Variants in PFKFB3 observed in about 807,000 individuals in gnomAD.
PFKFB3 encodes the protein 6-phosphofructo-2-kinase/fructose-2,6-bisphosphatase 3.
Under a neutral mutation model 68.0 loss-of-function variants are expected in PFKFB3, and 33 were observed. That is an observed-to-expected ratio of 0.49 (90% confidence interval 0.37 to 0.65). The LOEUF (loss-of-function observed/expected upper bound fraction) is 0.65. PFKFB3 is among the 30% of genes least tolerant of loss of function. The pLI, the probability that PFKFB3 is intolerant of heterozygous loss-of-function variation, is 0.00. For missense variants in PFKFB3, 586 were observed against 712.2 expected (o/e 0.82, Z 2.02); for synonymous variants, 315 against 288.2 (o/e 1.09, Z -0.94).
chr10:6,235,760 TTC>T (rs1303933221), downstream of PFKFB3, among the ~76,000 whole-genome samples: 2 of 131,342 alleles, frequency 1.5e-5, no homozygotes, highest in East Asian at 2.1e-4. Context: ...TTTAATTTTT[TTC>T]TTTTTTTTCT....
chr10:6,171,554 C>G (rs943521630), intron 1 of PFKFB3, among the ~76,000 whole-genome samples: 1 of 152,074 alleles, frequency 6.6e-6, no homozygotes, highest in Non-Finnish European at 1.5e-5. Flanking sequence ...TGCTGCCACA[C>G]TCGGCTAATT....
chr10:6,294,965 T>C, the PFKFB3 span, among the ~76,000 whole-genome samples: 3 of 148,352 alleles, frequency 2.0e-5, no homozygotes, highest in African/African-American at 7.5e-5. Flanking sequence ...TCAGAAGGTG[T>C]TTTTTTTTTG....
At chr10:6,225,114 C>T (rs1291293124) in intron 13 of PFKFB3, 1 of 456,200 alleles carries the variant, frequency 2.2e-6, no homozygotes, top group Non-Finnish European at 4.4e-6. Context: ...GGCCTCTGCT[C>T]AGGTGGACGC....
chr10:6,297,051 ACAG>A, the PFKFB3 span, among the ~76,000 whole-genome samples: 3 of 152,202 alleles, frequency 2.0e-5, no homozygotes, highest in African/African-American at 7.2e-5. Context: ...TGTAGGGAAA[ACAG>A]CAGCACAATC....
intron 1 of PFKFB3, among the ~76,000 whole-genome samples, chr10:6,153,822 C>A (rs1331536816): frequency 6.6e-6 from 1 of 151,606 alleles, no homozygotes; most frequent in Admixed American, 6.6e-5. Context: ...CCACTGCACG[C>A]CAGCCTGGGA....
chr10:6,271,418 A>G, the PFKFB3 span, among the ~76,000 whole-genome samples: 1 of 152,374 alleles, frequency 6.6e-6, no homozygotes, highest in Admixed American at 6.5e-5. Flanking sequence ...GCGGGAAGTC[A>G]AACTTCAGAT....
At chr10:6,146,960 A>C (rs1210391214) in intron 1 of PFKFB3, among the ~76,000 whole-genome samples, 1 of 152,270 alleles carries the variant, frequency 6.6e-6, no homozygotes, top group Non-Finnish European at 1.5e-5. Flanking sequence ...GTTGCTTGGC[A>C]TAAGTGCTGT....
chr10:6,226,066 G>A, intron 13 of PFKFB3, 126 bp from the exon 14 acceptor site: 1 of 831,064 alleles, frequency 1.2e-6, no homozygotes. Flanking sequence ...CGTGGTCCCG[G>A]CCACTCCCCT....
At chr10:6,300,064 C>T in the PFKFB3 span, among the ~76,000 whole-genome samples, 3 of 137,804 alleles carry the variant, frequency 2.2e-5, no homozygotes, top group South Asian at 4.7e-4. Context: ...ATTTTTTCTG[C>T]CTTTTCAGAA....
chr10:6,231,829 T>TCATCACCTCCTGGTGGGCACC (rs1845765968), intron 14 of PFKFB3, among the ~76,000 whole-genome samples: 1 of 146,286 alleles, frequency 6.8e-6, no homozygotes, highest in Non-Finnish European at 1.5e-5. Flanking sequence ...TGGTGGGCAC[T>TCATCACCTCCTGGTGGGCACC]CATCACCTCC....
At chr10:6,183,130 A>G (rs1239080364) in intron 1 of PFKFB3, among the ~76,000 whole-genome samples, 1 of 152,150 alleles carries the variant, frequency 6.6e-6, no homozygotes, top group African/African-American at 2.4e-5. Flanking sequence ...ACTACCTAGT[A>G]GTTTAGGGTC....
the PFKFB3 span, among the ~76,000 whole-genome samples, chr10:6,307,690 C>A: frequency 2.0e-5 from 3 of 152,022 alleles, no homozygotes; most frequent in Non-Finnish European, 4.4e-5. Flanking sequence ...TCTGAGGCTC[C>A]ACCGTCTGGT....
At chr10:6,163,814 T>C (rs1265941957) in intron 1 of PFKFB3, 1 of 151,858 alleles carries the variant, frequency 6.6e-6, no homozygotes, top group Admixed American at 6.6e-5. Context: ...GTTCACGTGC[T>C]GTCGCGCGCC....
intron 1 of PFKFB3, among the ~76,000 whole-genome samples, chr10:6,159,910 C>T (rs994485809): frequency 6.6e-6 from 1 of 151,322 alleles, no homozygotes; most frequent in Non-Finnish European, 1.5e-5. Flanking sequence ...AGGTGTGTGC[C>T]ACCATGCCTG....
At chr10:6,200,869 T>C (rs755183472), upstream of PFKFB3, among the ~76,000 whole-genome samples, 80 of 152,314 alleles carry the variant, frequency 5.3e-4, no homozygotes, top group Non-Finnish European at 1.1e-3. Context: ...CCCTAAGAGC[T>C]GACCGCTGTC....
chr10:6,253,066 C>T (rs1303154734), intron 14 of PFKFB3, among the ~76,000 whole-genome samples: 1 of 152,056 alleles, frequency 6.6e-6, no homozygotes, highest in Non-Finnish European at 1.5e-5. Context: ...TACAGGTGTC[C>T]ACCACCACAC....
At chr10:6,190,068 C>T (rs376585837) in intron 1 of PFKFB3, among the ~76,000 whole-genome samples, 11 of 151,956 alleles carry the variant, frequency 7.2e-5, no homozygotes, top group African/African-American at 2.2e-4. Context: ...CTCAGCCTTC[C>T]GAGTAGCTGG....
chr10:6,210,048 G>GGTGCACCCCTCTCTT (rs1294381155), intron 1 of PFKFB3, among the ~76,000 whole-genome samples: 4 of 122,844 alleles, frequency 3.3e-5, no homozygotes, highest in Non-Finnish European at 4.0e-5. Context: ...CACCGTGCCC[G>GGTGCACCCCTCTCTT]GCCTAATACT....
chr10:6,165,324 G>A (rs1283070127), intron 1 of PFKFB3, among the ~76,000 whole-genome samples: 1 of 152,220 alleles, frequency 6.6e-6, no homozygotes, highest in Non-Finnish European at 1.5e-5. Context: ...TGAGCATAGG[G>A]TTGGGGCTAC....
Sources: gnomAD v4.1 joint callset for allele counts (sites outside exome capture counted in the v4.1 genomes callset) on GRCh38, gnomAD v4.1.1 for gene constraint, MANE v1.5 for transcripts, NCBI Gene and HGNC (gene_info 2026-07-23, HGNC 2026-07-21) for gene names.